Variants in IGSF11 observed in about 807,000 individuals in gnomAD.
The protein encoded by IGSF11 is immunoglobulin superfamily member 11, also known as CXADR like 1.
IGSF11 carries 22 observed loss-of-function variants against 41.0 expected under a neutral mutation model. That is an observed-to-expected ratio of 0.54 (90% CI 0.38 to 0.77). The LOEUF (loss-of-function observed/expected upper bound fraction) is 0.77. IGSF11 is among the 30% of genes least tolerant of loss of function. IGSF11 has a pLI of 0.00. For missense variants in IGSF11, 444 were observed against 530.8 expected, an observed-to-expected ratio of 0.84 and a Z score of 1.61; for synonymous variants, 219 against 201.3, an observed-to-expected ratio of 1.09 and a Z score of -0.74.
chr3:118,952,507 A>G (rs1944648506), intron 1 of IGSF11, among the ~76,000 whole-genome samples: 1 of 152,178 alleles, frequency 6.6e-6, no homozygotes, highest in Non-Finnish European at 1.5e-5. Context: ...AGTAGATTCC[A>G]TCTCAAGAAA....
intron 1 of IGSF11, among the ~76,000 whole-genome samples, chr3:119,067,200 C>T (rs982919914): frequency 1.3e-5 from 2 of 152,142 alleles, no homozygotes; most frequent in African/African-American, 2.4e-5. Context: ...CCTGTACTAG[C>T]GTATAGGATG....
At chr3:119,008,045 A>G (rs575388495) in intron 1 of IGSF11, among the ~76,000 whole-genome samples, 2 of 151,890 alleles carry the variant, frequency 1.3e-5, no homozygotes, top group South Asian at 4.2e-4. Context: ...ACTCCCCTCT[A>G]CAGACAAGGA....
chr3:119,039,396 A>G (rs1941032432), upstream of IGSF11, among the ~76,000 whole-genome samples: 1 of 152,166 alleles, frequency 6.6e-6, no homozygotes, highest in African/African-American at 2.4e-5. Context: ...ACATCTGGCC[A>G]AGCCCTTCTC....
chr3:118,966,000 G>A (rs1945649353), intron 1 of IGSF11, among the ~76,000 whole-genome samples: 1 of 148,286 alleles, frequency 6.7e-6, no homozygotes, highest in Non-Finnish European at 1.5e-5. Flanking sequence ...AAAGGCCACA[G>A]AAATGAGAAA....
chr3:119,132,970 G>A (rs1363073221), intron 1 of IGSF11, among the ~76,000 whole-genome samples: 1 of 152,006 alleles, frequency 6.6e-6, no homozygotes, highest in African/African-American at 2.4e-5. Flanking sequence ...ATGGCTACTG[G>A]GTAAATAACA....
rs1339049238 is a variant in IGSF11 at position 118,900,852 on chromosome 3, T to C, written c.*1668A>G. ...AGTAATGCTAAAGTAAATTCAGCTT[T>C]TTATCAATACTGAAATGGTTGGCAA... On this transcript the variant is annotated 3_prime_UTR_variant, in exon 7 of 7. Transcript: ENST00000393775. 2 of 152,632 alleles carry C rather than the reference T, an allele frequency of 1.3e-5. No individual in the cohort carries two copies. Among genetic ancestry groups the C allele is most frequent in the African/African-American group, 4.8e-5 (2 of 41,440 alleles). 9.5% of individuals were successfully genotyped at this position (152,632 alleles called of 1,614,324 possible).
rs1943338423 is a variant in IGSF11, at chr3:118,937,043, G to A, written c.53-6768C>T. On this transcript the variant is annotated intron_variant, in intron 1 of 6. Transcript: ENST00000393775. ...AGATTTCACAACAGTGTTCTCTGAT[G>A]ACTATGAAGCAAGTGCTCATGTTTC... is the stretch of plus-strand genomic sequence containing the variant. Among the ~76,000 whole-genome samples the A allele has an allele frequency of 2.0e-5, 3 of 152,210 alleles. No individual in the cohort carries two copies. In the South Asian group the frequency reaches 6.2e-4, roughly 32 times the overall value.
upstream of IGSF11, among the ~76,000 whole-genome samples, chr3:119,036,953 G>T (rs114684180): frequency 4.6e-3 from 703 of 152,304 alleles, 7 homozygotes; most frequent in African/African-American, 0.016. Context: ...CAATCCAGCT[G>T]CTGAGAAGCA....
Position 119,016,388 on chromosome 3 carries a change from T to A in IGSF11, c.52+18143A>T, listed in dbSNP as rs142220311. On this transcript the variant is annotated intron_variant, in intron 1 of 6. Transcript: ENST00000393775. ...CAAAGATGATGGTCATTTATGGTAATTTATTATTCATGCTGTCATTCCTAA... is the reference window on the plus strand; with the variant it reads ...CAAAGATGATGGTCATTTATGGTAAATTATTATTCATGCTGTCATTCCTAA... Among the ~76,000 whole-genome samples the A allele has an allele frequency of 2.6e-4, 39 of 152,324 alleles. No homozygotes were observed. In the East Asian group the frequency reaches 7.5e-3, roughly 29 times the overall value.
chr3:118,987,754 T>G (rs1935403453), intron 1 of IGSF11, among the ~76,000 whole-genome samples: 1 of 152,094 alleles, frequency 6.6e-6, no homozygotes, highest in African/African-American at 2.4e-5. Flanking sequence ...GGCAGAAAAT[T>G]CACATATTTT....
chr3:119,017,234 T>C (rs976788541), intron 1 of IGSF11, among the ~76,000 whole-genome samples: 4 of 152,328 alleles, frequency 2.6e-5, no homozygotes, highest in South Asian at 4.1e-4. Context: ...GGTGATTTCA[T>C]CATTGTGTGA....
chr3:119,138,349 T>C (rs973543723), intron 1 of IGSF11, among the ~76,000 whole-genome samples: 3 of 152,116 alleles, frequency 2.0e-5, no homozygotes, highest in African/African-American at 7.2e-5. Flanking sequence ...ATGGATTTTT[T>C]AAATGTGGTA....
intron 1 of IGSF11, among the ~76,000 whole-genome samples, chr3:119,072,782 G>T (rs530108626): frequency 5.3e-5 from 8 of 152,268 alleles, no homozygotes; most frequent in Non-Finnish European, 1.2e-4. Flanking sequence ...ATTGCAAAGA[G>T]CAAAAGAACA....
At chr3:119,121,173 G>A (rs1320254793) in intron 1 of IGSF11, among the ~76,000 whole-genome samples, 1 of 152,006 alleles carries the variant, frequency 6.6e-6, no homozygotes, top group African/African-American at 2.4e-5. Flanking sequence ...AAAAAAACAG[G>A]AAAATATCAC....
chr3:119,103,229 C>T (rs1284961245), intron 1 of IGSF11, among the ~76,000 whole-genome samples: 1 of 152,160 alleles, frequency 6.6e-6, no homozygotes, highest in Non-Finnish European at 1.5e-5. Context: ...GATCTCCTGA[C>T]CTCTTGATCC....
intron 1 of IGSF11, among the ~76,000 whole-genome samples, chr3:118,983,654 G>A (rs1268336731): frequency 6.6e-6 from 1 of 151,994 alleles, no homozygotes; most frequent in African/African-American, 2.4e-5. Flanking sequence ...TTACACAAAT[G>A]AGAAAACAGA....
chr3:119,065,376 GT>G (rs1242824728), intron 1 of IGSF11, among the ~76,000 whole-genome samples: 1 of 152,008 alleles, frequency 6.6e-6, no homozygotes, highest in East Asian at 1.9e-4. Flanking sequence ...CATGGGATAT[GT>G]TTTTTACATA....
chr3:119,065,152 T>C (rs770418412), intron 1 of IGSF11, among the ~76,000 whole-genome samples: 1 of 152,244 alleles, frequency 6.6e-6, no homozygotes, highest in Non-Finnish European at 1.5e-5. Flanking sequence ...TTAATAGATA[T>C]ATTTATCAAA....
intron 1 of IGSF11, among the ~76,000 whole-genome samples, chr3:118,959,623 G>T (rs1296153677): frequency 1.3e-5 from 2 of 152,170 alleles, no homozygotes; most frequent in Non-Finnish European, 2.9e-5. Context: ...GTGGTTTTCC[G>T]CAAAGAAAAC....
Sources: gnomAD v4.1 joint callset for allele counts (sites outside exome capture counted in the v4.1 genomes callset) on GRCh38, gnomAD v4.1.1 for gene constraint, MANE v1.5 for transcripts, NCBI Gene and HGNC (gene_info 2026-07-23, HGNC 2026-07-21) for gene names.